The following ZNF254 variants were observed in gnomAD, a reference collection of about 807,000 sequenced individuals.
The protein encoded by ZNF254 is zinc finger protein 254, also known as CTD-2017D11.1.
A neutral mutation model predicts 12.4 loss-of-function variants in ZNF254; 10 were observed. The ratio of observed to expected loss-of-function variants is 0.80; its 90% confidence interval spans 0.50 to 1.36. The LOEUF (loss-of-function observed/expected upper bound fraction) is 1.36. Ranked by LOEUF, ZNF254 falls within the 40% of genes most tolerant of loss-of-function variation. The pLI is 0.00. For missense variants in ZNF254, 996 were observed against 763.9 expected, an observed-to-expected ratio of 1.30 and a Z score of -3.58; for synonymous variants, 305 against 253.4, an observed-to-expected ratio of 1.20 and a Z score of -1.93.
At chr19:24,088,291 A>G (rs868622054) in intron 1 of ZNF254, among the ~76,000 whole-genome samples, 1 of 152,140 alleles carries the variant, frequency 6.6e-6, no homozygotes, top group Non-Finnish European at 1.5e-5. Flanking sequence ...TTGGTTAAGC[A>G]AGAATTTTGT....
intron 3 of ZNF254, among the ~76,000 whole-genome samples, chr19:24,116,234 T>C (rs1463146521): frequency 3.9e-5 from 6 of 152,136 alleles, no homozygotes; most frequent in African/African-American, 1.2e-4. Flanking sequence ...TGAATCTGAA[T>C]GTTGGCCTGC....
At chr19:24,076,042 T>A (rs1342795931) in intron 2 of ZNF254, among the ~76,000 whole-genome samples, 1 of 152,230 alleles carries the variant, frequency 6.6e-6, no homozygotes, top group East Asian at 1.9e-4. Context: ...TCTTTTAGGA[T>A]GCCCAGAGTT....
chr19:24,075,314 A>G (rs1043620631), intron 2 of ZNF254, among the ~76,000 whole-genome samples: 1 of 152,152 alleles, frequency 6.6e-6, no homozygotes, highest in Non-Finnish European at 1.5e-5. Flanking sequence ...GCTTTGTGAC[A>G]TATCTCTATC....
At chr19:24,095,402 A>G (rs1001981104) in intron 1 of ZNF254, among the ~76,000 whole-genome samples, 4 of 152,194 alleles carry the variant, frequency 2.6e-5, no homozygotes, top group African/African-American at 9.7e-5. Flanking sequence ...TTCTTATATA[A>G]TGAGTTGAAA....
At chr19:24,118,458 T>G (rs560364119) in intron 3 of ZNF254, among the ~76,000 whole-genome samples, 3 of 152,290 alleles carry the variant, frequency 2.0e-5, no homozygotes, top group African/African-American at 2.4e-5. Flanking sequence ...TTTATGCATT[T>G]CTCTATAAAT....
At chr19:24,107,204 T>G (rs1953563344) in intron 3 of ZNF254, 1 of 647,540 alleles carries the variant, frequency 1.5e-6, no homozygotes, top group African/African-American at 1.9e-5. Context: ...TGTAGTTTCA[T>G]GTCCATTTTA....
At chr19:24,081,951 C>T (rs995290174) in intron 2 of ZNF254, among the ~76,000 whole-genome samples, 1 of 151,978 alleles carries the variant, frequency 6.6e-6, no homozygotes, top group South Asian at 2.1e-4. Context: ...GGCGAAACCC[C>T]GTCTCTACTA....
chr19:24,100,679 T>C (rs1215087916), intron 1 of ZNF254, among the ~76,000 whole-genome samples: 2 of 123,176 alleles, frequency 1.6e-5, no homozygotes, highest in African/African-American at 3.4e-5. Context: ...TATGTCTCTC[T>C]CTCTTTTTTT....
intron 1 of ZNF254, among the ~76,000 whole-genome samples, chr19:24,040,975 G>C (rs912552752): frequency 6.6e-6 from 1 of 152,164 alleles, no homozygotes; most frequent in African/African-American, 2.4e-5. Flanking sequence ...GCCAATTTCT[G>C]GACCCCTCCA....
intron 2 of ZNF254, among the ~76,000 whole-genome samples, chr19:24,063,150 G>A (rs1971139603): frequency 6.6e-6 from 1 of 152,162 alleles, no homozygotes; most frequent in Admixed American, 6.6e-5. Context: ...CACAAATCCA[G>A]TCCACCATTG....
intron 1 of ZNF254, among the ~76,000 whole-genome samples, chr19:24,092,818 A>G (rs1972471475): frequency 6.6e-6 from 1 of 152,224 alleles, no homozygotes. Context: ...TTCTTTGGGT[A>G]TATACCCAAT....
intron 1 of ZNF254, among the ~76,000 whole-genome samples, chr19:24,089,568 G>A (rs1049346299): frequency 2.0e-5 from 3 of 152,054 alleles, no homozygotes; most frequent in Non-Finnish European, 4.4e-5. Context: ...ACCCACCATG[G>A]CTATGTCTGC....
intron 1 of ZNF254, among the ~76,000 whole-genome samples, chr19:24,041,773 G>T (rs951959858): frequency 3.3e-5 from 5 of 152,270 alleles, no homozygotes; most frequent in African/African-American, 1.2e-4. Context: ...AGCCAGCTGG[G>T]CTCCTGAGTC....
intron 2 of ZNF254, among the ~76,000 whole-genome samples, chr19:24,070,303 C>T (rs1971436420): frequency 1.3e-5 from 2 of 152,152 alleles, no homozygotes; most frequent in Admixed American, 1.3e-4. Flanking sequence ...CTTACATGGC[C>T]CAGCACACAG....
intron 1 of ZNF254, among the ~76,000 whole-genome samples, chr19:24,092,185 T>C (rs1972429242): frequency 6.7e-6 from 1 of 148,720 alleles, no homozygotes; most frequent in South Asian, 2.1e-4. Flanking sequence ...TTTTTTTTTT[T>C]AAATGGAATT....
At chr19:24,061,330 C>G (rs747977439) in intron 2 of ZNF254, among the ~76,000 whole-genome samples, 3 of 152,216 alleles carry the variant, frequency 2.0e-5, no homozygotes. Flanking sequence ...TTCTGTCTAA[C>G]AACCACATAT....
chr19:24,055,409 T>G (rs111918751), intron 2 of ZNF254, among the ~76,000 whole-genome samples: 22,338 of 151,220 alleles, frequency 0.15, 1,904 homozygotes, highest in Middle Eastern at 0.23. Context: ...CTCCTGAGTA[T>G]CTGGGATTAC....
chr19:24,043,714 C>T (rs1292261743), intron 1 of ZNF254, among the ~76,000 whole-genome samples: 3 of 150,412 alleles, frequency 2.0e-5, no homozygotes, highest in Non-Finnish European at 4.5e-5. Flanking sequence ...TAAAATATTT[C>T]TTCATTTAAA....
intron 2 of ZNF254, among the ~76,000 whole-genome samples, chr19:24,053,697 T>C (rs917496822): frequency 6.6e-6 from 1 of 152,202 alleles, no homozygotes; most frequent in African/African-American, 2.4e-5. Context: ...TATTGTGACA[T>C]GTGGCTTGTT....
Sources: gnomAD v4.1 joint callset for allele counts (sites outside exome capture counted in the v4.1 genomes callset) on GRCh38, gnomAD v4.1.1 for gene constraint, MANE v1.5 for transcripts, NCBI Gene and HGNC (gene_info 2026-07-23, HGNC 2026-07-21) for gene names.